Variants in RANBP2 observed in about 807,000 individuals in gnomAD.
RANBP2 encodes the protein RAN binding protein 2.
In RANBP2, 57 loss-of-function variants were observed where a neutral mutation model predicts 303.6. The ratio of observed to expected loss-of-function variants is 0.19; its 90% confidence interval spans 0.15 to 0.23. RANBP2 has a LOEUF of 0.23. Among genes scored for constraint, RANBP2 ranks in the 10% least tolerant of loss-of-function variants. The pLI, the probability that RANBP2 is intolerant of heterozygous loss-of-function variation, is 1.00. For synonymous variants in RANBP2, 1,167 were observed against 1,301.5 expected (o/e 0.90, Z 2.23); for missense variants, 3,138 against 3,780.8 (o/e 0.83, Z 4.46).
chr2:109,135,326 G>A, the RANBP2 span, among the ~76,000 whole-genome samples: 1 of 152,342 alleles, frequency 6.6e-6, no homozygotes, highest in South Asian at 2.1e-4. Context: ...CGTGGAAGGA[G>A]GGGAAGGGGT....
chr2:109,490,985 TG>T, the RANBP2 span: 100 of 1,400,016 alleles, frequency 7.1e-5, no homozygotes, highest in Admixed American at 5.7e-5. Context: ...GTTTGGCCTC[TG>T]AGGTCTGGAG....
chr2:109,053,350 C>T, the RANBP2 span, among the ~76,000 whole-genome samples: 23 of 152,320 alleles, frequency 1.5e-4, no homozygotes, highest in East Asian at 7.7e-4. Flanking sequence ...TTGTAGTTCT[C>T]GCAAATAACT....
the RANBP2 span, among the ~76,000 whole-genome samples, chr2:109,688,760 C>T: frequency 1.8e-5 from 2 of 112,460 alleles, no homozygotes; most frequent in African/African-American, 3.6e-5. Context: ...GCCTGGGTGA[C>T]GGAGCGAGAC....
the RANBP2 span, among the ~76,000 whole-genome samples, chr2:108,904,187 G>C: frequency 6.6e-6 from 1 of 151,780 alleles, no homozygotes; most frequent in Non-Finnish European, 1.5e-5. Flanking sequence ...TTACTGAAGA[G>C]GACACACAGA....
At chr2:109,217,250 T>C in the RANBP2 span, among the ~76,000 whole-genome samples, 13 of 152,370 alleles carry the variant, frequency 8.5e-5, 1 homozygote, top group East Asian at 2.1e-3. Flanking sequence ...AATTCTGTCT[T>C]CCATTGAACC....
At chr2:109,380,723 T>C in the RANBP2 span, among the ~76,000 whole-genome samples, 2 of 152,168 alleles carry the variant, frequency 1.3e-5, no homozygotes, top group Non-Finnish European at 2.9e-5. Context: ...CCTTGTGCCA[T>C]AGTTCCTGAG....
chr2:109,137,795 C>T, the RANBP2 span, among the ~76,000 whole-genome samples: 1 of 152,222 alleles, frequency 6.6e-6, no homozygotes, highest in Non-Finnish European at 1.5e-5. Context: ...ATCGGTTAAT[C>T]CTCCAAGCTT....
chr2:109,454,116 AAGAG>A, the RANBP2 span, among the ~76,000 whole-genome samples: 7 of 152,348 alleles, frequency 4.6e-5, no homozygotes, highest in Middle Eastern at 3.4e-3. Context: ...ATGGTGAGAT[AAGAG>A]AGAGAAGAAA....
At chr2:109,122,835 C>T in the RANBP2 span, among the ~76,000 whole-genome samples, 5 of 152,290 alleles carry the variant, frequency 3.3e-5, no homozygotes, top group African/African-American at 7.2e-5. Context: ...TGTGCCACTG[C>T]GCTCCAAACT....
chr2:109,200,512 C>T, the RANBP2 span, among the ~76,000 whole-genome samples: 3 of 152,188 alleles, frequency 2.0e-5, no homozygotes, highest in African/African-American at 7.2e-5. Context: ...CGGGTCCAAG[C>T]CTCCGACTCT....
chr2:109,353,831 G>GGT, the RANBP2 span, among the ~76,000 whole-genome samples: 6 of 152,122 alleles, frequency 3.9e-5, no homozygotes, highest in Non-Finnish European at 8.8e-5. Flanking sequence ...GCAGTGAGAG[G>GGT]GTGTGATCTC....
At chr2:108,881,704 C>T in the RANBP2 span, among the ~76,000 whole-genome samples, 8 of 152,146 alleles carry the variant, frequency 5.3e-5, no homozygotes, top group Non-Finnish European at 1.2e-4. Context: ...TGTTATGTCT[C>T]AGGAAATGAA....
chr2:109,480,207 C>G, the RANBP2 span, among the ~76,000 whole-genome samples: 14 of 152,242 alleles, frequency 9.2e-5, no homozygotes, highest in African/African-American at 3.1e-4. Context: ...CTGCATGGCA[C>G]CAAACATCTG....
rs138022657 is a variant in RANBP2, at chr2:108,768,290, A to G, written c.7751A>G (p.Asp2584Gly). The G allele has an allele frequency of 4.3e-4, 694 of 1,612,030 alleles. 1 individual carries two copies. Among genetic ancestry groups the G allele is most frequent in the Non-Finnish European group, 5.2e-4 (615 of 1,179,862 alleles). ...PKKCELSKNS[D>G]IEQSSDSKVK... The stretch of plus-strand genomic sequence containing the variant: ...AAATGTGAACTGTCAAAGAACTCTG[A>G]TATCGAACAGTCTTCAGATAGCAAA... Residue 2584 changes from aspartate to glycine, a missense_variant, in exon 20 of 29, where the codon GAT becomes GGT. Transcript: ENST00000283195.
the RANBP2 span, among the ~76,000 whole-genome samples, chr2:109,019,767 C>T: frequency 6.6e-6 from 1 of 152,190 alleles, no homozygotes; most frequent in African/African-American, 2.4e-5. Context: ...TCCTAACTAT[C>T]TGGAAAATAA....
the RANBP2 span, among the ~76,000 whole-genome samples, chr2:109,716,016 G>T: frequency 6.6e-6 from 1 of 152,082 alleles, no homozygotes; most frequent in African/African-American, 2.4e-5. Flanking sequence ...TTTTGCCAAA[G>T]TTAAGGACGC....
At chr2:108,951,818 A>C in the RANBP2 span, among the ~76,000 whole-genome samples, 1 of 152,172 alleles carries the variant, frequency 6.6e-6, no homozygotes, top group Non-Finnish European at 1.5e-5. Flanking sequence ...TGTGTTATGG[A>C]CTATCTTCTC....
the RANBP2 span, among the ~76,000 whole-genome samples, chr2:109,708,466 C>T: frequency 8.0e-5 from 12 of 150,710 alleles, no homozygotes; most frequent in African/African-American, 2.0e-4. Flanking sequence ...AAGAGCAGCC[C>T]GGGCAACATG....
chr2:109,294,671 T>A, the RANBP2 span, among the ~76,000 whole-genome samples: 2 of 149,208 alleles, frequency 1.3e-5, no homozygotes, highest in Non-Finnish European at 3.0e-5. Flanking sequence ...CCCTGCTGGG[T>A]GATGTGGTGA....
Sources: gnomAD v4.1 joint callset for allele counts (sites outside exome capture counted in the v4.1 genomes callset) on GRCh38, gnomAD v4.1.1 for gene constraint, MANE v1.5 for transcripts, NCBI Gene and HGNC (gene_info 2026-07-23, HGNC 2026-07-21) for gene names.